Variants in IFT81 observed in about 807,000 individuals in gnomAD.
IFT81 encodes intraflagellar transport 81, also known as intraflagellar transport protein 81 homolog.
Under a neutral mutation model 102.6 loss-of-function variants are expected in IFT81, and 72 were observed. The observed-to-expected ratio is 0.70, with a 90% CI of 0.58 to 0.85. The LOEUF (loss-of-function observed/expected upper bound fraction) is 0.85, where lower values mean the gene tolerates loss of function less well. IFT81 is among the 40% of genes least tolerant of loss of function. The pLI is 0.00. For missense variants in IFT81, 723 were observed against 787.3 expected (o/e 0.92, Z 0.98); for synonymous variants, 237 against 242.7 (o/e 0.98, Z 0.22).
chr12:110,135,230 CA>C, intron 6 of IFT81, 96 bp from the exon 7 acceptor site: 1 of 815,046 alleles, frequency 1.2e-6, no homozygotes, highest in Middle Eastern at 2.4e-4. Context: ...TACTGTTTAC[CA>C]AAAGGAAATG....
At chr12:110,212,697 C>A (rs111552501) in intron 18 of IFT81, among the ~76,000 whole-genome samples, 146 of 152,060 alleles carry the variant, frequency 9.6e-4, no homozygotes, top group African/African-American at 3.5e-3. Context: ...AACTAGCTGG[C>A]ATGGTGGCAG....
chr12:110,216,875 T>C, intron 18 of IFT81: 1 of 290,606 alleles, frequency 3.4e-6, no homozygotes, highest in Non-Finnish European at 6.7e-6. Context: ...TATTAGGTTT[T>C]AGTATATAGA....
intron 1 of IFT81, 109 bp from the exon 2 acceptor site, chr12:110,127,251 A>T: frequency 5.8e-6 from 6 of 1,038,288 alleles, no homozygotes; most frequent in Non-Finnish European, 7.9e-6. Flanking sequence ...TTTGTATGCC[A>T]TGTAAAATTA....
intron 11 of IFT81, among the ~76,000 whole-genome samples, chr12:110,172,941 G>GC (rs1896821396): frequency 6.7e-6 from 1 of 148,418 alleles, no homozygotes; most frequent in African/African-American, 2.5e-5. Flanking sequence ...CGGGAGGGAG[G>GC]TGGGGGTCAG....
At chr12:110,135,240 T>A in intron 6 of IFT81, 87 bp from the exon 7 acceptor site, 2 of 842,664 alleles carry the variant, frequency 2.4e-6, no homozygotes, top group Non-Finnish European at 3.8e-6. Flanking sequence ...CAAAAGGAAA[T>A]GATAAGTGGA....
chr12:110,218,456 T>G lies in IFT81; in HGVS notation c.*230T>G. ...TAGTTTAGACATCACTGGCGTCTTC[T>G]GAGTTTTATGAGACAGGAAACTAAG... On this transcript the variant is annotated 3_prime_UTR_variant, in exon 19 of 19. Transcript: ENST00000242591. 2.9e-6 allele frequency: 1 copy of G among 339,426 alleles called. No homozygotes were observed. Among genetic ancestry groups the G allele is most frequent in the Non-Finnish European group, 5.3e-6 (1 of 189,886 alleles). 21.0% of individuals were successfully genotyped at this position (339,426 alleles called of 1,614,324 possible).
At chr12:110,158,644 C>A (rs1895972309) in intron 10 of IFT81, among the ~76,000 whole-genome samples, 1 of 152,024 alleles carries the variant, frequency 6.6e-6, no homozygotes, top group Non-Finnish European at 1.5e-5. Flanking sequence ...GGCCAAACTG[C>A]AGTGGCACTA....
chr12:110,185,185 ATTTTT>A (rs897205111), intron 12 of IFT81, among the ~76,000 whole-genome samples: 1 of 151,038 alleles, frequency 6.6e-6, no homozygotes, highest in African/African-American at 2.4e-5. Flanking sequence ...TCTTCACTAA[ATTTTT>A]TTTTCTTTTT....
At chr12:110,154,060 G>A (rs1479536833) in intron 10 of IFT81, among the ~76,000 whole-genome samples, 5 of 151,294 alleles carry the variant, frequency 3.3e-5, no homozygotes, top group African/African-American at 9.7e-5. Flanking sequence ...CTCAGCTCAC[G>A]GCAACCTCCG....
At position 110,190,987 on chromosome 12, in the gene IFT81, C is replaced by T. The variant is rs1352092247; in HGVS notation, c.1406C>T (p.Ser469Phe). ...SYTQEELERVSALKSEVDEMK... is the reference protein window; with the variant it reads ...SYTQEELERVFALKSEVDEMK... ...ACCCAAGAAGAGCTAGAAAGAGTAT[C>T]TGCACTGAAGAGTGAAGTTGATGAA... is the stretch of plus-strand genomic sequence containing the variant. The change falls in exon 13 of 19, where the codon TCT (serine) becomes TTT (phenylalanine). Residue 469 changes from serine to phenylalanine, a missense_variant. Ser to Phe is a radical substitution (Grantham distance 155, BLOSUM62 -2). Transcript: ENST00000242591. 6.2e-6 allele frequency: 10 copies of T among 1,609,814 alleles called. No individual in the cohort carries two copies. Among genetic ancestry groups the T allele is most frequent in the Non-Finnish European group, 8.5e-6 (10 of 1,178,018 alleles).
At chr12:110,186,953 CT>C (rs573614507) in intron 12 of IFT81, among the ~76,000 whole-genome samples, 35 of 151,972 alleles carry the variant, frequency 2.3e-4, no homozygotes, top group Middle Eastern at 3.4e-3. Flanking sequence ...TTTTCTTTTT[CT>C]TTTTTTCATT....
intron 11 of IFT81, among the ~76,000 whole-genome samples, chr12:110,171,380 A>G (rs748630215): frequency 1.3e-5 from 2 of 151,940 alleles, no homozygotes; most frequent in Non-Finnish European, 2.9e-5. Flanking sequence ...GAGACCTTGG[A>G]TGGTGTGATT....
intron 14 of IFT81, among the ~76,000 whole-genome samples, chr12:110,201,187 G>T (rs140418924): frequency 1.3e-5 from 2 of 152,022 alleles, no homozygotes; most frequent in African/African-American, 4.8e-5. Flanking sequence ...CAGATCACCT[G>T]AAGTCAGGAG....
At chr12:110,156,796 C>A (rs1199171561) in intron 10 of IFT81, among the ~76,000 whole-genome samples, 1 of 152,194 alleles carries the variant, frequency 6.6e-6, no homozygotes, top group Non-Finnish European at 1.5e-5. Context: ...CACACCCAGC[C>A]TCTCCCTTAC....
At chr12:110,139,878 TAAA>T (rs1439890525) in intron 8 of IFT81, among the ~76,000 whole-genome samples, 3 of 142,204 alleles carry the variant, frequency 2.1e-5, no homozygotes, top group Non-Finnish European at 3.1e-5. Flanking sequence ...TAAAATAAAA[TAAA>T]ATAAAATAAA....
chr12:110,127,590 A>C (rs1016953649), intron 2 of IFT81, 66 bp downstream of exon 2: 21 of 1,398,708 alleles, frequency 1.5e-5, no homozygotes, highest in Non-Finnish European at 2.0e-5. Flanking sequence ...AATAGCTGTG[A>C]GTCTTGGGCA....
At chr12:110,174,277 C>CAA (rs61353726) in intron 11 of IFT81, among the ~76,000 whole-genome samples, 553 of 35,270 alleles carry the variant, frequency 0.016, 20 homozygotes, top group Middle Eastern at 0.059. Flanking sequence ...GACTCCGTCT[C>CAA]AAAAAAAAAA....
chr12:110,145,723 C>A (rs1895185130), intron 9 of IFT81, among the ~76,000 whole-genome samples: 1 of 151,958 alleles, frequency 6.6e-6, no homozygotes. Context: ...GTGTGAGCCA[C>A]CGCGCCCAGG....
chr12:110,125,602 CCA>C (rs1893785650), intron 1 of IFT81, among the ~76,000 whole-genome samples: 1 of 152,148 alleles, frequency 6.6e-6, no homozygotes, highest in Non-Finnish European at 1.5e-5. Context: ...ACCATGTTGG[CCA>C]GGCTGGCCTC....
Sources: allele counts gnomAD v4.1 joint callset (sites outside exome capture counted in the v4.1 genomes callset), GRCh38; gene constraint gnomAD v4.1.1; transcripts MANE v1.5; gene names NCBI Gene and HGNC (gene_info 2026-07-23, HGNC 2026-07-21).